Variants in ASIC2 observed in about 807,000 individuals in gnomAD.
The protein encoded by ASIC2 is acid sensing ion channel subunit 2, also known as acid-sensing ion channel 2.
ASIC2 carries 25 observed loss-of-function variants against 57.3 expected under a neutral mutation model. That is an observed-to-expected ratio of 0.44 (90% CI 0.32 to 0.61). The LOEUF is 0.61. Among genes scored for constraint, ASIC2 ranks in the 20% least tolerant of loss-of-function variants. The probability of loss-of-function intolerance (pLI) is 0.06; values close to 1 mark genes in which losing one functional copy is unlikely to be tolerated. For synonymous variants in ASIC2, 319 were observed against 307.5 expected (o/e 1.04, Z -0.39); for missense variants, 641 against 738.1 (o/e 0.87, Z 1.52).
At chr17:33,450,478 A>T (rs1912205946) in intron 1 of ASIC2, among the ~76,000 whole-genome samples, 1 of 152,052 alleles carries the variant, frequency 6.6e-6, no homozygotes, top group Non-Finnish European at 1.5e-5. Context: ...TGGCTAACTG[A>T]GGGGAAGTCT....
At chr17:33,020,834 C>T (rs4795733) in intron 7 of ASIC2, among the ~76,000 whole-genome samples, 48,196 of 151,940 alleles carry the variant, frequency 0.32, 7,923 homozygotes, top group Non-Finnish European at 0.35. Context: ...GCCTTCCCTC[C>T]TTCTCTCCTT....
In ASIC2 at chr17:33,912,550, C is replaced by T. The variant is rs190734050; in HGVS notation, c.555+243428G>A. 2.2e-3 allele frequency among the ~76,000 whole-genome samples: 334 copies of T among 152,160 alleles called. 4 individuals carry two copies. The highest frequency in any genetic ancestry group is 7.8e-3 in the African/African-American group (323 of 41,502). ...AAATCTTTATAGGCAATTCTGAGCA[C>T]CCCCTACCATCTTTTCCCCTTGACA... On this transcript the variant is annotated intron_variant, in intron 1 of 9. Coordinates refer to the ASIC2 transcript ENST00000359872.
rs375695905 is a variant in ASIC2 at position 33,827,337 on chromosome 17, C to CTTTTTTTTTTTTTTTTTTTTCTTT, written c.555+328640_555+328641insAAAGAAAAAAAAAAAAAAAAAAAA. On this transcript the variant is annotated intron_variant, in intron 1 of 9. Coordinates refer to the ASIC2 transcript ENST00000359872. The stretch of plus-strand genomic sequence containing the variant: ...GGACTAGGTCCTGTTGCAGCTCACT[C>CTTTTTTTTTTTTTTTTTTTTCTTT]TTTTTTTTTTTTGAGACAGAGTCTT... Among the ~76,000 whole-genome samples, 2 of 76,536 alleles carry CTTTTTTTTTTTTTTTTTTTTCTTT rather than the reference C, an allele frequency of 2.6e-5. 1 individual carries two copies. The highest frequency in any genetic ancestry group is 5.3e-5 in the Non-Finnish European group (2 of 38,036). 50.2% of individuals were successfully genotyped at this position (76,536 alleles called of 152,430 possible). A position where few individuals can be genotyped will look rare whatever the true frequency, so the allele number is the denominator to read the frequency against.
At chr17:33,926,033 T>G (rs1055445319) in intron 1 of ASIC2, among the ~76,000 whole-genome samples, 6 of 152,186 alleles carry the variant, frequency 3.9e-5, no homozygotes, top group Non-Finnish European at 1.5e-5. Flanking sequence ...ACTGTTAACA[T>G]TAGTAGATCT....
At chr17:33,433,395 T>A (rs1366758445) in intron 1 of ASIC2, among the ~76,000 whole-genome samples, 1 of 152,126 alleles carries the variant, frequency 6.6e-6, no homozygotes, top group Non-Finnish European at 1.5e-5. Flanking sequence ...ACTGGGCCTG[T>A]CATTGAGTGG....
At chr17:33,048,537 T>C (rs182870587) in intron 3 of ASIC2, among the ~76,000 whole-genome samples, 5 of 152,326 alleles carry the variant, frequency 3.3e-5, no homozygotes, top group Admixed American at 2.6e-4. Flanking sequence ...ATGGGCCTTG[T>C]ATGTCCTAAT....
intron 1 of ASIC2, among the ~76,000 whole-genome samples, chr17:33,690,789 A>T (rs1908341054): frequency 8.5e-6 from 1 of 117,148 alleles, no homozygotes; most frequent in Admixed American, 1.3e-4. Context: ...TTGCTCTGTC[A>T]CCCAGACTGG....
At chr17:33,177,028 G>A (rs946534842) in intron 1 of ASIC2, among the ~76,000 whole-genome samples, 4 of 152,216 alleles carry the variant, frequency 2.6e-5, no homozygotes, top group African/African-American at 9.6e-5. Context: ...GGTGGCTGGG[G>A]ACAACTTGTG....
chr17:34,001,057 G>T (rs1052220837), intron 1 of ASIC2: 19 of 151,952 alleles, frequency 1.3e-4, no homozygotes, highest in African/African-American at 4.6e-4. Flanking sequence ...TAAATTATTT[G>T]TCAGGCAATT....
chr17:34,054,876 G>A lies in ASIC2; in HGVS notation c.555+101102C>T, dbSNP rs576371030. On this transcript the variant is annotated intron_variant, in intron 1 of 9. Transcript: ENST00000359872. Reference sequence around the variant, plus strand: ...ATGCCTTCATAGTCTGTCTTCTAGTGAGGAGATAGATGAGCAAGTAACCAA... The same window carrying A: ...ATGCCTTCATAGTCTGTCTTCTAGTAAGGAGATAGATGAGCAAGTAACCAA... Among the ~76,000 whole-genome samples the A allele has an allele frequency of 6.6e-5, 10 of 152,128 alleles. No individual in the cohort carries two copies. In the South Asian group the frequency reaches 1.9e-3, roughly 28 times the overall value.
At chr17:33,317,535 C>G (rs541338568) in intron 1 of ASIC2, among the ~76,000 whole-genome samples, 1 of 152,216 alleles carries the variant, frequency 6.6e-6, no homozygotes, top group Non-Finnish European at 1.5e-5. Flanking sequence ...AAAATTCCTT[C>G]TCCTTTTTAC....
chr17:33,260,788 C>T (rs1213360644), intron 1 of ASIC2, among the ~76,000 whole-genome samples: 2 of 152,192 alleles, frequency 1.3e-5, no homozygotes, highest in African/African-American at 2.4e-5. Context: ...TTCTCACCAC[C>T]ACCCCTTGCT....
At chr17:33,264,378 A>G (rs1297770281) in intron 1 of ASIC2, among the ~76,000 whole-genome samples, 1 of 152,254 alleles carries the variant, frequency 6.6e-6, no homozygotes, top group Non-Finnish European at 1.5e-5. Flanking sequence ...AATCCTTACA[A>G]TAATCTTGTG....
chr17:33,305,840 C>A (rs1906149042), intron 1 of ASIC2, among the ~76,000 whole-genome samples: 1 of 152,204 alleles, frequency 6.6e-6, no homozygotes, highest in Admixed American at 6.5e-5. Context: ...AATGACACTT[C>A]TTTGTAAGAG....
At chr17:33,203,039 G>A (rs940738098) in intron 1 of ASIC2, among the ~76,000 whole-genome samples, 7 of 152,238 alleles carry the variant, frequency 4.6e-5, no homozygotes, top group East Asian at 1.9e-4. Flanking sequence ...AAGGTGGCAC[G>A]TGGTGTCTGC....
At chr17:34,146,974 CCT>C (rs1912438295) in intron 1 of ASIC2, 3 of 152,264 alleles carry the variant, frequency 2.0e-5, no homozygotes, top group Admixed American at 2.0e-4. Flanking sequence ...CCTGCTGCAG[CCT>C]CTCAGTGCAT....
intron 1 of ASIC2, among the ~76,000 whole-genome samples, chr17:33,800,473 A>C (rs1009150268): frequency 1.2e-4 from 19 of 152,210 alleles, no homozygotes; most frequent in African/African-American, 4.6e-4. Flanking sequence ...GATACCCTAC[A>C]GAAGAGATGA....
intron 1 of ASIC2, among the ~76,000 whole-genome samples, chr17:33,281,675 A>G (rs1532454): frequency 0.7 from 106,237 of 152,156 alleles, 37,282 homozygotes; most frequent in East Asian, 0.93. Context: ...CTCTTTCTGT[A>G]GCTACATGAG....
At chr17:34,007,463 A>G (rs1906564189) in intron 1 of ASIC2, among the ~76,000 whole-genome samples, 1 of 152,194 alleles carries the variant, frequency 6.6e-6, no homozygotes, top group Non-Finnish European at 1.5e-5. Context: ...TGTGTTCTAG[A>G]CTGGGAGTGC....
Sources: allele counts gnomAD v4.1 joint callset (sites outside exome capture counted in the v4.1 genomes callset), GRCh38; gene constraint gnomAD v4.1.1; transcripts MANE v1.5; gene names NCBI Gene and HGNC (gene_info 2026-07-23, HGNC 2026-07-21).